BBS7: variants seen among roughly 807,000 people sequenced by gnomAD.
The protein encoded by BBS7 is Bardet-Biedl syndrome 7.
In BBS7, 50 loss-of-function variants were observed where a neutral mutation model predicts 90.3. The observed-to-expected ratio is 0.55, with a 90% CI of 0.44 to 0.70. The LOEUF is 0.70. Ranked by LOEUF, BBS7 falls within the 30% of genes least tolerant of loss-of-function variation. BBS7 has a pLI of 0.00. For synonymous variants in BBS7, 235 were observed against 287.4 expected (o/e 0.82, Z 1.85); for missense variants, 729 against 838.9 (o/e 0.87, Z 1.62).
At chr4:121,839,979 C>G (rs991404068) in intron 12 of BBS7, among the ~76,000 whole-genome samples, 3 of 152,188 alleles carry the variant, frequency 2.0e-5, no homozygotes, top group African/African-American at 7.2e-5. Flanking sequence ...CTCTTTCCAT[C>G]TTGAGTTTTT....
chr4:121,854,370 T>G (rs1726485725), intron 7 of BBS7, among the ~76,000 whole-genome samples: 3 of 152,188 alleles, frequency 2.0e-5, no homozygotes, highest in Admixed American at 2.0e-4. Flanking sequence ...CTTCTTTGCC[T>G]CATAACAAAG....
chr4:121,868,629 C>A (rs543479223), intron 1 of BBS7, among the ~76,000 whole-genome samples: 2 of 120,986 alleles, frequency 1.7e-5, no homozygotes, highest in South Asian at 2.8e-4. Flanking sequence ...TGTGGTGAGT[C>A]ATGATCATGC....
In BBS7 at chr4:121,848,938, T is replaced by C. The variant is rs1296805094; in HGVS notation, c.850-10A>G. ...CGCTTTCAGACAACATCTAAAAAAG[T>C]TTAAGACCAAGCACTTCATTAGTAA... On this transcript the variant is annotated splice_polypyrimidine_tract_variant and intron_variant, in intron 8 of 18. Transcript: ENST00000264499. The C allele has an allele frequency of 1.9e-6, 3 of 1,611,496 alleles. No homozygotes were observed. The Admixed American group carries it at 5.0e-5, about 27-fold the overall frequency.
At chr4:121,853,841 CA>C (rs1726451776) in intron 7 of BBS7, among the ~76,000 whole-genome samples, 1 of 152,110 alleles carries the variant, frequency 6.6e-6, no homozygotes, top group Non-Finnish European at 1.5e-5. Context: ...CCAAGGCTTA[CA>C]CAATTTGGCT....
chr4:121,831,353 G>T lies in BBS7; in HGVS notation c.1676+1878C>A, dbSNP rs748315121. 4.6e-5 allele frequency among the ~76,000 whole-genome samples: 7 copies of T among 152,138 alleles called. No individual in the cohort carries two copies. In the East Asian group the frequency reaches 1.4e-3, roughly 29 times the overall value. On this transcript the variant is annotated intron_variant, in intron 15 of 18. Coordinates refer to ENST00000264499, the MANE Select transcript of BBS7 (RefSeq NM_176824.3). ...AGGCTTCAAAAATGTAGCTACTGCA[G>T]GATGCAGTAGCTTGCACCTATAATC... is the stretch of plus-strand genomic sequence containing the variant.
rs1726572965 is a variant in BBS7 at position 121,855,688 on chromosome 4, TAG to T, written c.529-129_529-128del. The T allele has an allele frequency of 1.4e-5, 12 of 888,028 alleles. No homozygotes were observed. In the South Asian group the frequency reaches 1.7e-4, roughly 13 times the overall value. 55.0% of individuals were successfully genotyped at this position (888,028 alleles called of 1,614,324 possible). ...CCTAGAATAAAATTGCTTTAAAAAT[TAG>T]GTTACGAATACAACTTGCATTTGTT... On this transcript the variant is annotated intron_variant, in intron 5 of 18. Coordinates refer to ENST00000264499, the MANE Select transcript of BBS7 (RefSeq NM_176824.3).
chr4:121,840,934 C>T (rs964470029), intron 12 of BBS7, among the ~76,000 whole-genome samples: 2 of 151,356 alleles, frequency 1.3e-5, no homozygotes, highest in Non-Finnish European at 2.9e-5. Flanking sequence ...GCCTCCTGGG[C>T]TCAACTGACT....
intron 6 of BBS7, among the ~76,000 whole-genome samples, chr4:121,855,046 C>T (rs1024433859): frequency 3.9e-5 from 6 of 152,130 alleles, no homozygotes; most frequent in African/African-American, 1.4e-4. Context: ...GGTGCCGTGG[C>T]TCATGCCTGT....
intron 13 of BBS7, 36 bp from the exon 14 acceptor site, chr4:121,835,319 A>T: frequency 6.2e-7 from 1 of 1,610,264 alleles, no homozygotes; most frequent in Non-Finnish European, 8.5e-7. Context: ...AAATAAGAAT[A>T]TTTAGCAACA....
intron 12 of BBS7, among the ~76,000 whole-genome samples, chr4:121,843,044 T>G (rs1227627959): frequency 1.3e-5 from 2 of 152,074 alleles, no homozygotes; most frequent in African/African-American, 4.8e-5. Context: ...CATGTTCCAA[T>G]GCAGGGATGT....
At chr4:121,870,253 C>A (rs1267484046) in intron 1 of BBS7, 25 bp downstream of exon 1, 1 of 1,613,998 alleles carries the variant, frequency 6.2e-7, no homozygotes, top group Non-Finnish European at 8.5e-7. Context: ...CCCAGCGCGG[C>A]GCCCGCCCTA....
chr4:121,844,051 T>C, intron 11 of BBS7, 50 bp from the exon 12 acceptor site: 3 of 1,150,704 alleles, frequency 2.6e-6, no homozygotes, highest in Non-Finnish European at 3.8e-6. Flanking sequence ...AACCTAAAAA[T>C]GTTCATAAAT....
chr4:121,859,100 A>C lies in BBS7; in HGVS notation c.420T>G (p.Tyr140Ter), dbSNP rs779596692. The C allele has an allele frequency of 4.3e-6, 7 of 1,613,962 alleles. No individual in the cohort carries two copies. In the South Asian group the frequency reaches 6.6e-5, roughly 15 times the overall value. ...CATTGATTTTATCCCCAGAAAGGTA[A>C]TAATGTTGGTCTTTGCAGTCACAAT... ...NHYCDCKDQHYYLSGDKINDV... is the reference protein window; with the variant it reads ...NHYCDCKDQH The change falls in exon 5 of 19, where the codon TAT (tyrosine) becomes TAG (stop). Residue 140 changes from tyrosine (Y) to a stop codon, truncating the protein, a stop_gained. Coordinates refer to ENST00000264499, the MANE Select transcript of BBS7 (RefSeq NM_176824.3). LOFTEE classifies it high-confidence loss of function.
intron 2 of BBS7, 36 bp from the exon 3 acceptor site, chr4:121,863,315 A>T (rs1248743280): frequency 6.6e-7 from 1 of 1,512,780 alleles, no homozygotes; most frequent in South Asian, 1.1e-5. Context: ...AATTACTATT[A>T]TTAATATTAT....
chr4:121,828,314 A>G (rs767528818), intron 17 of BBS7, 45 bp from the exon 18 acceptor site: 26 of 1,595,172 alleles, frequency 1.6e-5, no homozygotes, highest in East Asian at 2.2e-5. Flanking sequence ...TCAAAATTCA[A>G]TCCAATGTAA....
intron 13 of BBS7, among the ~76,000 whole-genome samples, chr4:121,836,451 T>C (rs932417700): frequency 6.6e-6 from 1 of 152,202 alleles, no homozygotes; most frequent in Admixed American, 6.5e-5. Flanking sequence ...GATAAAAATA[T>C]ATTCAAATTA....
chr4:121,840,996 C>G (rs990807993), intron 12 of BBS7, among the ~76,000 whole-genome samples: 1 of 151,992 alleles, frequency 6.6e-6, no homozygotes, highest in African/African-American at 2.4e-5. Flanking sequence ...TGCCACCACA[C>G]CCAGCTACTT....
At chr4:121,832,396 G>C (rs1000728318) in intron 15 of BBS7, among the ~76,000 whole-genome samples, 1 of 152,114 alleles carries the variant, frequency 6.6e-6, no homozygotes, top group African/African-American at 2.4e-5. Context: ...ATGTGAGAAT[G>C]AGAATGCAAA....
At chr4:121,839,958 G>A (rs1002064086) in intron 12 of BBS7, among the ~76,000 whole-genome samples, 3 of 152,122 alleles carry the variant, frequency 2.0e-5, no homozygotes, top group African/African-American at 4.8e-5. Flanking sequence ...AATTCCTATC[G>A]AAAGCTCATG....
Sources: gnomAD v4.1 joint callset for allele counts (sites outside exome capture counted in the v4.1 genomes callset) on GRCh38, gnomAD v4.1.1 for gene constraint, MANE v1.5 for transcripts, NCBI Gene and HGNC (gene_info 2026-07-23, HGNC 2026-07-21) for gene names.